FBXL17: variants seen among roughly 807,000 people sequenced by gnomAD.
FBXL17 encodes the protein F-box and leucine rich repeat protein 17.
FBXL17 carries 22 observed loss-of-function variants against 66.2 expected under a neutral mutation model. That is an observed-to-expected ratio of 0.33 (90% CI 0.24 to 0.47). FBXL17 has a LOEUF of 0.47. FBXL17 is among the 20% of genes least tolerant of loss of function. The pLI is 1.00. For synonymous variants in FBXL17, 474 were observed against 400.5 expected (o/e 1.18, Z -2.19); for missense variants, 878 against 948.2 (o/e 0.93, Z 0.97).
At chr5:108,332,616 G>A (rs1760175501) in intron 4 of FBXL17, among the ~76,000 whole-genome samples, 1 of 151,906 alleles carries the variant, frequency 6.6e-6, no homozygotes, top group Non-Finnish European at 1.5e-5. Flanking sequence ...TGTTGTTGTT[G>A]GGTTTTTCTG....
intron 6 of FBXL17, among the ~76,000 whole-genome samples, chr5:108,185,481 C>T (rs574683744): frequency 3.3e-5 from 5 of 152,186 alleles, no homozygotes; most frequent in Middle Eastern, 3.2e-3. Flanking sequence ...TCCAGCCATA[C>T]TTCCTGTACA....
At chr5:108,098,114 T>G (rs549760105) in intron 6 of FBXL17, among the ~76,000 whole-genome samples, 1 of 152,226 alleles carries the variant, frequency 6.6e-6, no homozygotes, top group African/African-American at 2.4e-5. Flanking sequence ...GGAAACATAG[T>G]GACTTCAGTA....
chr5:108,096,327 G>A (rs577256987), intron 6 of FBXL17, among the ~76,000 whole-genome samples: 4 of 152,260 alleles, frequency 2.6e-5, no homozygotes, highest in African/African-American at 9.6e-5. Context: ...TTTCAGACAT[G>A]AGCATAACAG....
intron 6 of FBXL17, among the ~76,000 whole-genome samples, chr5:108,127,909 T>C (rs1356990787): frequency 1.3e-5 from 2 of 152,340 alleles, no homozygotes; most frequent in Non-Finnish European, 1.5e-5. Flanking sequence ...TACATTTTCA[T>C]AAAACAATAC....
At chr5:108,341,032 G>A (rs976192392) in intron 4 of FBXL17, among the ~76,000 whole-genome samples, 1 of 152,108 alleles carries the variant, frequency 6.6e-6, no homozygotes, top group Non-Finnish European at 1.5e-5. Flanking sequence ...TCTTGAAGAT[G>A]AGCACAAGAG....
At chr5:107,930,356 T>C (rs1750689461) in intron 7 of FBXL17, among the ~76,000 whole-genome samples, 1 of 152,196 alleles carries the variant, frequency 6.6e-6, no homozygotes, top group Non-Finnish European at 1.5e-5. Flanking sequence ...TTTACCCAGC[T>C]GTTCTTGTGG....
intron 5 of FBXL17, among the ~76,000 whole-genome samples, chr5:108,208,138 T>C (rs1754207592): frequency 6.6e-6 from 1 of 152,214 alleles, no homozygotes; most frequent in South Asian, 2.1e-4. Flanking sequence ...TCTGCTCATA[T>C]TATTTGCCCA....
At chr5:108,132,781 C>T (rs996696216) in intron 6 of FBXL17, among the ~76,000 whole-genome samples, 41 of 152,186 alleles carry the variant, frequency 2.7e-4, no homozygotes, top group Non-Finnish European at 2.9e-5. Flanking sequence ...TCTGATTTCC[C>T]AGGTCAGGCT....
At chr5:107,936,637 A>G (rs762974184) in intron 7 of FBXL17, among the ~76,000 whole-genome samples, 1 of 152,104 alleles carries the variant, frequency 6.6e-6, no homozygotes, top group Non-Finnish European at 1.5e-5. Context: ...TGAAGACTGG[A>G]GATGTGCTAA....
intron 7 of FBXL17, among the ~76,000 whole-genome samples, chr5:107,915,820 T>C (rs1017733808): frequency 2.6e-5 from 4 of 152,198 alleles, no homozygotes; most frequent in Non-Finnish European, 4.4e-5. Flanking sequence ...TATTGCTAGT[T>C]CCTGCTGTTC....
intron 6 of FBXL17, among the ~76,000 whole-genome samples, chr5:108,045,456 A>G (rs1747218885): frequency 7.7e-6 from 1 of 130,306 alleles, no homozygotes; most frequent in Non-Finnish European, 1.8e-5. Context: ...TAATAATAAT[A>G]ATAATAACAA....
intron 7 of FBXL17, among the ~76,000 whole-genome samples, chr5:107,929,587 T>A (rs924730859): frequency 5.3e-5 from 8 of 152,200 alleles, no homozygotes; most frequent in Non-Finnish European, 7.3e-5. Context: ...AAAATGCTGA[T>A]TTATTGACAA....
chr5:108,085,582 G>C (rs945464660), intron 6 of FBXL17, among the ~76,000 whole-genome samples: 1 of 152,174 alleles, frequency 6.6e-6, no homozygotes, highest in African/African-American at 2.4e-5. Flanking sequence ...GTGTGCCGTT[G>C]GGGCTCAGAA....
At chr5:107,896,196 T>A (rs2112524669) in intron 7 of FBXL17, among the ~76,000 whole-genome samples, 1 of 152,292 alleles carries the variant, frequency 6.6e-6, no homozygotes, top group East Asian at 1.9e-4. Context: ...GCATCATTAT[T>A]TCGTTTAAGA....
intron 6 of FBXL17, among the ~76,000 whole-genome samples, chr5:108,098,240 G>GT (rs1222592532): frequency 6.6e-6 from 1 of 151,876 alleles, no homozygotes; most frequent in Admixed American, 6.6e-5. Flanking sequence ...ATGAATCATA[G>GT]TTTTTTTCCT....
chr5:108,184,819 C>T (rs529694386), intron 6 of FBXL17, among the ~76,000 whole-genome samples: 1 of 150,610 alleles, frequency 6.6e-6, no homozygotes, highest in African/African-American at 2.4e-5. Flanking sequence ...ATTATTTCTC[C>T]TATTTTTAAA....
chr5:108,147,974 C>A (rs1751624337), intron 6 of FBXL17, among the ~76,000 whole-genome samples: 1 of 147,970 alleles, frequency 6.8e-6, no homozygotes, highest in African/African-American at 2.5e-5. Context: ...CAATAAAAAA[C>A]AATAATATAG....
chr5:107,874,146 G>A (rs1397803869), intron 8 of FBXL17, among the ~76,000 whole-genome samples: 2 of 151,990 alleles, frequency 1.3e-5, no homozygotes, highest in Admixed American at 6.5e-5. Context: ...TTCTCTGCAA[G>A]TCTGGCTGTA....
intron 7 of FBXL17, among the ~76,000 whole-genome samples, chr5:107,954,455 G>A (rs1751596123): frequency 6.6e-6 from 1 of 152,230 alleles, no homozygotes. Flanking sequence ...CAGTGGGCCT[G>A]TAGGCCATGG....
Sources: allele counts gnomAD v4.1 joint callset (sites outside exome capture counted in the v4.1 genomes callset), GRCh38; gene constraint gnomAD v4.1.1; transcripts MANE v1.5; gene names NCBI Gene and HGNC (gene_info 2026-07-23, HGNC 2026-07-21).